The following CPA6 variants were observed in gnomAD, a reference collection of about 807,000 sequenced individuals.
CPA6 encodes the protein carboxypeptidase B.
CPA6 carries 58 observed loss-of-function variants against 63.3 expected under a neutral mutation model. That is an observed-to-expected ratio of 0.92 (90% CI 0.74 to 1.14). The LOEUF (loss-of-function observed/expected upper bound fraction) is 1.14, where lower values mean the gene tolerates loss of function less well. CPA6 is among the 50% of genes most tolerant of loss of function. The pLI is 0.00. For synonymous variants in CPA6, 185 were observed against 179.0 expected (o/e 1.03, Z -0.27); for missense variants, 565 against 526.6 (o/e 1.07, Z -0.71).
intron 8 of CPA6, among the ~76,000 whole-genome samples, chr8:67,440,059 T>C (rs1216573503): frequency 6.6e-6 from 1 of 152,190 alleles, no homozygotes; most frequent in Non-Finnish European, 1.5e-5. Flanking sequence ...CCGTAACACA[T>C]TACTACAAAC....
chr8:67,465,946 T>A (rs1241311980), intron 8 of CPA6, among the ~76,000 whole-genome samples: 2 of 152,160 alleles, frequency 1.3e-5, no homozygotes, highest in Non-Finnish European at 2.9e-5. Flanking sequence ...CAGAATTTGG[T>A]ATCAGGGTGA....
chr8:67,551,507 C>G (rs1169885819), intron 2 of CPA6, among the ~76,000 whole-genome samples: 1 of 152,078 alleles, frequency 6.6e-6, no homozygotes, highest in East Asian at 1.9e-4. Flanking sequence ...TATTCAGGCT[C>G]TTTTATGGTT....
chr8:67,654,502 T>G (rs1815935606), intron 1 of CPA6, among the ~76,000 whole-genome samples: 1 of 152,194 alleles, frequency 6.6e-6, no homozygotes, highest in African/African-American at 2.4e-5. Context: ...ATTTACCCAT[T>G]TCTTCTAGAT....
intron 1 of CPA6, among the ~76,000 whole-genome samples, chr8:67,710,905 A>G (rs1817246226): frequency 6.6e-6 from 1 of 152,204 alleles, no homozygotes; most frequent in Non-Finnish European, 1.5e-5. Context: ...CATAAGATAG[A>G]GTTGTAGTCA....
chr8:67,738,774 T>G (rs1817861056), intron 1 of CPA6, among the ~76,000 whole-genome samples: 1 of 151,856 alleles, frequency 6.6e-6, no homozygotes, highest in Non-Finnish European at 1.5e-5. Context: ...TAAAGCACTG[T>G]ACCATAAAGA....
chr8:67,630,121 A>C (rs1815291045), intron 1 of CPA6, among the ~76,000 whole-genome samples: 1 of 148,876 alleles, frequency 6.7e-6, no homozygotes, highest in Non-Finnish European at 1.5e-5. Context: ...AATAATAATA[A>C]TAATAATAAT....
Position 67,716,965 on chromosome 8 carries a change from G to A in CPA6, c.116+29049C>T, listed in dbSNP as rs79823736. ...ACACATGGTAGGGTTTTAGAAATGA[G>A]GGAGGAGTATGTTTGTTTCTATGTA... On this transcript the variant is annotated intron_variant, in intron 1 of 10. Transcript: ENST00000297770. Among the ~76,000 whole-genome samples, 18 of 152,292 alleles carry A rather than the reference G, an allele frequency of 1.2e-4. No homozygotes were observed. In the East Asian group the frequency reaches 3.5e-3, roughly 29 times the overall value.
rs1376701883 is a variant in CPA6, at chr8:67,436,814, A to G, written c.839-2574T>C. The stretch of plus-strand genomic sequence containing the variant: ...TAGATTTTCCATAGTTATTTGCCAT[A>G]TGAGGCCACTAATGTCTCTTCCCTA... On this transcript the variant is annotated intron_variant, in intron 8 of 10. Coordinates refer to ENST00000297770, the MANE Select transcript of CPA6 (RefSeq NM_020361.5). Among the ~76,000 whole-genome samples, 3 of 152,238 alleles carry G rather than the reference A, an allele frequency of 2.0e-5. No homozygotes were observed. In the South Asian group the frequency reaches 6.2e-4, roughly 31 times the overall value.
At chr8:67,643,556 T>A (rs1037505959) in intron 1 of CPA6, among the ~76,000 whole-genome samples, 13 of 148,188 alleles carry the variant, frequency 8.8e-5, no homozygotes, top group Non-Finnish European at 1.9e-4. Context: ...GTTTTTTTTT[T>A]AAATCAACTG....
intron 1 of CPA6, among the ~76,000 whole-genome samples, chr8:67,650,782 C>T (rs1815818878): frequency 6.6e-6 from 1 of 152,138 alleles, no homozygotes; most frequent in African/African-American, 2.4e-5. Flanking sequence ...TGCCTATACT[C>T]TTGTCGGATT....
intron 1 of CPA6, among the ~76,000 whole-genome samples, chr8:67,716,734 G>T (rs888592456): frequency 1.3e-5 from 2 of 152,190 alleles, no homozygotes; most frequent in Non-Finnish European, 2.9e-5. Context: ...TGGGAGGCAG[G>T]TTTGCCTGAT....
At chr8:67,652,477 A>G (rs1815870923) in intron 1 of CPA6, among the ~76,000 whole-genome samples, 1 of 151,704 alleles carries the variant, frequency 6.6e-6, no homozygotes, top group Non-Finnish European at 1.5e-5. Context: ...TTTGATTTGC[A>G]TTTCTCTGAT....
At chr8:67,714,233 C>T (rs1817331759) in intron 1 of CPA6, among the ~76,000 whole-genome samples, 1 of 152,088 alleles carries the variant, frequency 6.6e-6, no homozygotes, top group Non-Finnish European at 1.5e-5. Context: ...GAGGATTATT[C>T]CAGTGATGAA....
intron 1 of CPA6, among the ~76,000 whole-genome samples, chr8:67,681,200 CTTTTTT>C (rs1007305743): frequency 4.5e-5 from 4 of 89,880 alleles, no homozygotes; most frequent in African/African-American, 1.2e-4. Context: ...CAAAGATTTT[CTTTTTT>C]TTTTTTTTTT....
At chr8:67,527,378 C>G (rs1352984026) in intron 2 of CPA6, among the ~76,000 whole-genome samples, 1 of 152,024 alleles carries the variant, frequency 6.6e-6, no homozygotes, top group African/African-American at 2.4e-5. Context: ...GTGTATTAAC[C>G]AAAAAAATCA....
chr8:67,621,708 C>G (rs1476730806), intron 2 of CPA6, among the ~76,000 whole-genome samples: 1 of 152,176 alleles, frequency 6.6e-6, no homozygotes, highest in Non-Finnish European at 1.5e-5. Flanking sequence ...GTGTAGAGCA[C>G]AGCTGATATC....
At chr8:67,548,912 C>T (rs1286028009) in intron 2 of CPA6, among the ~76,000 whole-genome samples, 4 of 152,150 alleles carry the variant, frequency 2.6e-5, no homozygotes, top group Non-Finnish European at 5.9e-5. Context: ...GTCCTGTGAC[C>T]CTCGTGTCAG....
chr8:67,477,230 C>A (rs1811260508), intron 8 of CPA6, among the ~76,000 whole-genome samples: 2 of 133,210 alleles, frequency 1.5e-5, no homozygotes, highest in African/African-American at 5.8e-5. Flanking sequence ...GCGGAGCTTG[C>A]AGTGAGCTGA....
chr8:67,573,031 A>T (rs930523229), intron 2 of CPA6, among the ~76,000 whole-genome samples: 1 of 152,258 alleles, frequency 6.6e-6, no homozygotes, highest in African/African-American at 2.4e-5. Context: ...AAGCATGATT[A>T]TTTCTTTAAA....
Sources: allele counts gnomAD v4.1 joint callset (sites outside exome capture counted in the v4.1 genomes callset), GRCh38; gene constraint gnomAD v4.1.1; transcripts MANE v1.5; gene names NCBI Gene and HGNC (gene_info 2026-07-23, HGNC 2026-07-21).